Variants in KCNJ3 observed in about 807,000 individuals in gnomAD.
KCNJ3 encodes the protein potassium inwardly rectifying channel subfamily J member 3.
A neutral mutation model predicts 39.2 loss-of-function variants in KCNJ3; 4 were observed. The ratio of observed to expected loss-of-function variants is 0.10; its 90% CI spans 0.05 to 0.23. The LOEUF is 0.23. Among genes scored for constraint, KCNJ3 ranks in the 10% least tolerant of loss-of-function variants. The pLI, the probability that KCNJ3 is intolerant of heterozygous loss-of-function variation, is 1.00. For synonymous variants in KCNJ3, 230 were observed against 237.4 expected, an observed-to-expected ratio of 0.97 and a Z score of 0.29; for missense variants, 276 against 634.9, an observed-to-expected ratio of 0.43 and a Z score of 6.08.
At chr2:154,816,828 G>T (rs1325153990) in intron 2 of KCNJ3, among the ~76,000 whole-genome samples, 1 of 152,000 alleles carries the variant, frequency 6.6e-6, no homozygotes, top group Non-Finnish European at 1.5e-5. Context: ...AAATATGGAT[G>T]TAAAGTGTAT....
intron 1 of KCNJ3, among the ~76,000 whole-genome samples, chr2:154,708,392 A>G (rs532945212): frequency 1.1e-4 from 16 of 151,956 alleles, no homozygotes; most frequent in Admixed American, 7.2e-4. Context: ...AAGCCAATGT[A>G]TTTTTTTTGG....
intron 2 of KCNJ3, among the ~76,000 whole-genome samples, chr2:154,808,017 A>G (rs905251771): frequency 8.6e-5 from 13 of 151,968 alleles, no homozygotes; most frequent in African/African-American, 3.1e-4. Flanking sequence ...TTCCTCAATT[A>G]TAATCTACCT....
intron 2 of KCNJ3, among the ~76,000 whole-genome samples, chr2:154,733,917 T>A (rs1685483346): frequency 6.6e-6 from 1 of 152,142 alleles, no homozygotes; most frequent in Non-Finnish European, 1.5e-5. Flanking sequence ...GTGTTGGGGT[T>A]TGGTGTGCCT....
At chr2:154,700,438 T>G (rs1399821090) in intron 1 of KCNJ3, among the ~76,000 whole-genome samples, 1 of 152,242 alleles carries the variant, frequency 6.6e-6, no homozygotes, top group African/African-American at 2.4e-5. Flanking sequence ...TGTCTCTGTG[T>G]GTGATTTACA....
chr2:154,833,093 A>C (rs1219233495), intron 2 of KCNJ3, among the ~76,000 whole-genome samples: 1 of 152,240 alleles, frequency 6.6e-6, no homozygotes, highest in Non-Finnish European at 1.5e-5. Flanking sequence ...GAAAATTTAG[A>C]AATTGTTAAA....
intron 2 of KCNJ3, among the ~76,000 whole-genome samples, chr2:154,719,279 T>C (rs1358433705): frequency 6.6e-6 from 1 of 152,202 alleles, no homozygotes; most frequent in Non-Finnish European, 1.5e-5. Context: ...TTGAATTAAC[T>C]ACTCAACTGC....
At chr2:154,793,014 T>G (rs1212809295) in intron 2 of KCNJ3, among the ~76,000 whole-genome samples, 1 of 152,116 alleles carries the variant, frequency 6.6e-6, no homozygotes, top group African/African-American at 2.4e-5. Context: ...TGGAAAGTGC[T>G]TCTTTACATG....
At chr2:154,709,571 G>T (rs773276399) in intron 1 of KCNJ3, 32 bp from the exon 2 acceptor site, 2 of 1,600,950 alleles carry the variant, frequency 1.2e-6, no homozygotes, top group Non-Finnish European at 1.7e-6. Flanking sequence ...TACAAGTGGT[G>T]ATTTCTTCTC....
chr2:154,706,833 C>G (rs1034250506), intron 1 of KCNJ3, among the ~76,000 whole-genome samples: 1 of 152,098 alleles, frequency 6.6e-6, no homozygotes, highest in Non-Finnish European at 1.5e-5. Flanking sequence ...GTCAGAAGCT[C>G]AGACTTCAAA....
At chr2:154,837,052 T>C (rs1444104381) in intron 2 of KCNJ3, among the ~76,000 whole-genome samples, 1 of 152,194 alleles carries the variant, frequency 6.6e-6, no homozygotes, top group East Asian at 1.9e-4. Context: ...ACCAAAACTT[T>C]AGATTCCATG....
intron 2 of KCNJ3, among the ~76,000 whole-genome samples, chr2:154,727,273 A>C (rs1055618104): frequency 6.6e-6 from 1 of 152,094 alleles, no homozygotes; most frequent in Admixed American, 6.6e-5. Flanking sequence ...GTGACCTGAA[A>C]ATTATATTAA....
intron 2 of KCNJ3, among the ~76,000 whole-genome samples, chr2:154,838,583 T>A (rs1352068893): frequency 6.6e-6 from 1 of 152,196 alleles, no homozygotes; most frequent in Admixed American, 6.5e-5. Context: ...TTAAAGATTT[T>A]TAAGAGTGAA....
rs1202780834 is a variant in KCNJ3, at chr2:154,855,825, T to C, written c.*512T>C. 1 of 152,346 alleles carries C rather than the reference T, an allele frequency of 6.6e-6. No homozygotes were observed. The highest frequency in any genetic ancestry group is 1.5e-5 in the Non-Finnish European group (1 of 67,956). 9.4% of individuals were successfully genotyped at this position (152,346 alleles called of 1,614,324 possible). A position where few individuals can be genotyped will look rare whatever the true frequency, so the allele number is the denominator to read the frequency against. On this transcript the variant is annotated 3_prime_UTR_variant, in exon 3 of 3. Coordinates refer to ENST00000295101, the MANE Select transcript of KCNJ3 (RefSeq NM_002239.4). ...CATACATATATATCTGATAAAATTG[T>C]GATGTTTTGTTCAAAGTTGTAGTTC...
At chr2:154,741,868 A>G (rs1028560043) in intron 2 of KCNJ3, among the ~76,000 whole-genome samples, 3 of 151,882 alleles carry the variant, frequency 2.0e-5, no homozygotes, top group Non-Finnish European at 4.4e-5. Flanking sequence ...CAAATCCTGT[A>G]TTTTTTGTGG....
intron 2 of KCNJ3, among the ~76,000 whole-genome samples, chr2:154,783,793 A>G (rs1686481182): frequency 6.6e-6 from 1 of 152,198 alleles, no homozygotes; most frequent in Non-Finnish European, 1.5e-5. Flanking sequence ...AAGAAACTCA[A>G]TGGCAACTGT....
chr2:154,759,307 T>C (rs1178836494), intron 2 of KCNJ3, among the ~76,000 whole-genome samples: 2 of 152,126 alleles, frequency 1.3e-5, no homozygotes, highest in Admixed American at 6.6e-5. Context: ...GACTCTCCAA[T>C]GCACCAGAAG....
At chr2:154,812,633 C>T (rs1026973224) in intron 2 of KCNJ3, among the ~76,000 whole-genome samples, 28 of 152,076 alleles carry the variant, frequency 1.8e-4, no homozygotes, top group African/African-American at 6.5e-4. Flanking sequence ...AGAGTAACCC[C>T]CTTCTTTTAG....
At chr2:154,721,931 T>A (rs1265019934) in intron 2 of KCNJ3, among the ~76,000 whole-genome samples, 2 of 152,198 alleles carry the variant, frequency 1.3e-5, no homozygotes, top group East Asian at 3.9e-4. Flanking sequence ...GTTATTTAAA[T>A]GCATGTCTTG....
chr2:154,783,047 G>T (rs1686466280), intron 2 of KCNJ3, among the ~76,000 whole-genome samples: 1 of 151,958 alleles, frequency 6.6e-6, no homozygotes, highest in Non-Finnish European at 1.5e-5. Flanking sequence ...GCGTGGTCGT[G>T]GGCACCTGTA....
Sources: allele counts gnomAD v4.1 joint callset (sites outside exome capture counted in the v4.1 genomes callset), GRCh38; gene constraint gnomAD v4.1.1; transcripts MANE v1.5; gene names NCBI Gene and HGNC (gene_info 2026-07-23, HGNC 2026-07-21).